The following CHN2 variants were observed in gnomAD, a reference collection of about 807,000 sequenced individuals.
The protein encoded by CHN2 is chimerin 2.
A neutral mutation model predicts 56.3 loss-of-function variants in CHN2; 35 were observed. The observed-to-expected ratio is 0.62, with a 90% confidence interval of 0.47 to 0.82. The LOEUF (loss-of-function observed/expected upper bound fraction) is 0.82. Ranked by LOEUF, CHN2 falls within the 40% of genes least tolerant of loss-of-function variation. CHN2 has a pLI of 0.00. For synonymous variants in CHN2, 210 were observed against 212.8 expected (o/e 0.99, Z 0.12); for missense variants, 491 against 580.5 (o/e 0.85, Z 1.58).
At chr7:29,228,157 T>TACAC (rs1389003627) in intron 1 of CHN2, among the ~76,000 whole-genome samples, 3 of 150,040 alleles carry the variant, frequency 2.0e-5, no homozygotes, top group African/African-American at 4.9e-5. Context: ...TATATATATA[T>TACAC]ATACACACAC....
chr7:29,510,350 A>C (rs1343172345), intron 12 of CHN2, among the ~76,000 whole-genome samples: 1 of 152,028 alleles, frequency 6.6e-6, no homozygotes, highest in Non-Finnish European at 1.5e-5. Flanking sequence ...GAGACAGGAG[A>C]ATTGCTTGAA....
chr7:29,358,755 C>A (rs528412753), intron 2 of CHN2, among the ~76,000 whole-genome samples: 1 of 152,164 alleles, frequency 6.6e-6, no homozygotes, highest in African/African-American at 2.4e-5. Flanking sequence ...TGAGCCACCG[C>A]GCCCAGCCTA....
chr7:29,380,247 G>A (rs1039081538), intron 3 of CHN2, among the ~76,000 whole-genome samples: 2 of 151,538 alleles, frequency 1.3e-5, no homozygotes, highest in Admixed American at 1.3e-4. Context: ...TCTCAAAGGG[G>A]GCAATATCAC....
chr7:29,300,402 G>A (rs953816670), intron 1 of CHN2, among the ~76,000 whole-genome samples: 1 of 152,148 alleles, frequency 6.6e-6, no homozygotes, highest in Non-Finnish European at 1.5e-5. Flanking sequence ...AGGAGGGTGG[G>A]GCAAGGGTCA....
At chr7:29,508,480 G>T (rs1270589051) in intron 11 of CHN2, among the ~76,000 whole-genome samples, 1 of 151,204 alleles carries the variant, frequency 6.6e-6, no homozygotes, top group Admixed American at 6.6e-5. Context: ...ATGTAGTAAT[G>T]AGATGCCTGA....
intron 1 of CHN2, among the ~76,000 whole-genome samples, chr7:29,200,357 C>A (rs1439418924): frequency 1.5e-5 from 2 of 136,012 alleles, no homozygotes; most frequent in African/African-American, 5.5e-5. Context: ...TCTTTTCTTC[C>A]CTCCCTACCT....
intron 6 of CHN2, among the ~76,000 whole-genome samples, chr7:29,427,576 A>G (rs553213865): frequency 3.5e-4 from 53 of 150,828 alleles, no homozygotes; most frequent in African/African-American, 1.3e-3. Flanking sequence ...TTTATCCGCT[A>G]CCAACTCCCA....
chr7:29,345,074 A>ACAGCCTGGGCTCCCCGTT (rs1797321014), intron 1 of CHN2, among the ~76,000 whole-genome samples: 2 of 152,182 alleles, frequency 1.3e-5, no homozygotes, highest in Admixed American at 6.5e-5. Flanking sequence ...GGGGCTGAAC[A>ACAGCCTGGGCTCCCCGTT]CAGCCTGGGC....
At chr7:29,262,876 G>A (rs188243177) in intron 1 of CHN2, among the ~76,000 whole-genome samples, 45 of 152,270 alleles carry the variant, frequency 3.0e-4, no homozygotes, top group African/African-American at 6.3e-4. Context: ...GCAAACCACC[G>A]TGGCACACGT....
intron 2 of CHN2, among the ~76,000 whole-genome samples, chr7:29,152,866 C>G (rs1793796026): frequency 6.6e-6 from 1 of 152,224 alleles, no homozygotes. Context: ...TGCAAATTCT[C>G]CTCCATGGTC....
chr7:29,264,620 C>G (rs1055754053), intron 1 of CHN2, among the ~76,000 whole-genome samples: 1 of 152,030 alleles, frequency 6.6e-6, no homozygotes, highest in East Asian at 1.9e-4. Context: ...GCAGCATACT[C>G]GTTAAGGGTC....
chr7:29,182,216 A>G (rs1272080251), intron 2 of CHN2, among the ~76,000 whole-genome samples: 1 of 152,264 alleles, frequency 6.6e-6, no homozygotes, highest in East Asian at 1.9e-4. Flanking sequence ...GATGCTCTAC[A>G]GAAGAGAAGG....
chr7:29,433,359 T>C (rs1782984297), intron 6 of CHN2, among the ~76,000 whole-genome samples: 1 of 151,544 alleles, frequency 6.6e-6, no homozygotes, highest in Non-Finnish European at 1.5e-5. Flanking sequence ...CTGAAGGGAG[T>C]TGGCAAGAGC....
intron 7 of CHN2, among the ~76,000 whole-genome samples, chr7:29,485,821 C>A (rs574663429): frequency 3.9e-5 from 6 of 152,096 alleles, no homozygotes; most frequent in South Asian, 2.1e-4. Context: ...GCCCTTCCCC[C>A]ACTCAGCCTG....
chr7:29,417,717 C>G (rs769909138), intron 6 of CHN2, among the ~76,000 whole-genome samples: 2 of 152,090 alleles, frequency 1.3e-5, no homozygotes, highest in Non-Finnish European at 2.9e-5. Context: ...AAGAATAACA[C>G]AGTTTGCAAG....
intron 1 of CHN2, among the ~76,000 whole-genome samples, chr7:29,303,097 T>C (rs1396531534): frequency 6.6e-5 from 10 of 152,338 alleles, no homozygotes; most frequent in African/African-American, 1.9e-4. Flanking sequence ...TGTCTATGCC[T>C]TGCCATTGTG....
chr7:29,350,543 C>G (rs1797802454), intron 1 of CHN2, among the ~76,000 whole-genome samples: 1 of 152,078 alleles, frequency 6.6e-6, no homozygotes, highest in African/African-American at 2.4e-5. Flanking sequence ...ACAAATGGCC[C>G]CTCACTTTGA....
At chr7:29,210,960 G>A (rs1409591377) in intron 1 of CHN2, among the ~76,000 whole-genome samples, 1 of 152,174 alleles carries the variant, frequency 6.6e-6, no homozygotes, top group African/African-American at 2.4e-5. Flanking sequence ...GATCATGGAG[G>A]GCCTCGTAGG....
intron 1 of CHN2, among the ~76,000 whole-genome samples, chr7:29,273,359 A>ATATATATATATATGTG (rs1790875344): frequency 3.9e-5 from 3 of 77,534 alleles, no homozygotes; most frequent in African/African-American, 1.1e-4. Flanking sequence ...ATATATATAT[A>ATATATATATATATGTG]TATATATATA....
Sources: gnomAD v4.1 joint callset for allele counts (sites outside exome capture counted in the v4.1 genomes callset) on GRCh38, gnomAD v4.1.1 for gene constraint, MANE v1.5 for transcripts, NCBI Gene and HGNC (gene_info 2026-07-23, HGNC 2026-07-21) for gene names.